The following ATP11B variants were observed in gnomAD, a reference collection of about 807,000 sequenced individuals.
ATP11B encodes the protein ATPase phospholipid transporting 11B (putative), also known as phospholipid-transporting ATPase IF.
Under a neutral mutation model 157.8 loss-of-function variants are expected in ATP11B, and 81 were observed. The ratio of observed to expected loss-of-function variants is 0.51; its 90% CI spans 0.43 to 0.62. The LOEUF (loss-of-function observed/expected upper bound fraction) is 0.62. ATP11B is among the 20% of genes least tolerant of loss of function. The probability of loss-of-function intolerance (pLI) is 0.00; values close to 1 mark genes in which losing one functional copy is unlikely to be tolerated. For missense variants in ATP11B, 1,165 were observed against 1,402.2 expected (o/e 0.83, Z 2.70); for synonymous variants, 451 against 469.4 (o/e 0.96, Z 0.51).
intron 25 of ATP11B, among the ~76,000 whole-genome samples, chr3:182,894,226 T>A (rs779232916): frequency 6.6e-6 from 1 of 152,230 alleles, no homozygotes; most frequent in Non-Finnish European, 1.5e-5. Context: ...CTTAATACTT[T>A]ATTTCTGTAA....
At chr3:182,905,706 T>C in intron 28 of ATP11B, 1 of 448,716 alleles carries the variant, frequency 2.2e-6, no homozygotes, top group Non-Finnish European at 4.5e-6. Flanking sequence ...AGATTGTGAA[T>C]GCCAACTTGT....
chr3:182,848,462 G>T lies in ATP11B; in HGVS notation c.770-14G>T. 6.9e-7 allele frequency: 1 copy of T among 1,442,804 alleles called. No homozygotes were observed. 89.4% of individuals were successfully genotyped at this position (1,442,804 alleles called of 1,614,324 possible). On this transcript the variant is annotated splice_polypyrimidine_tract_variant and intron_variant, in intron 9 of 29. Transcript: ENST00000323116. The stretch of plus-strand genomic sequence containing the variant: ...GAGGATTATTTTAAGAGACAATTTT[G>T]TTTTATTTTACAGGTGTTGCGGTAT...
In ATP11B at chr3:182,913,910, T is replaced by C; in HGVS notation, c.3368T>C (p.Phe1123Ser). 1 of 1,614,166 alleles carries C rather than the reference T, an allele frequency of 6.2e-7. No homozygotes were observed. Among genetic ancestry groups the C allele is most frequent in the Non-Finnish European group, 8.5e-7 (1 of 1,179,972 alleles). The change falls in exon 29 of 30, where the codon TTC becomes TCC. Residue 1123 changes from phenylalanine to serine, a missense_variant. Coordinates refer to ENST00000323116, the MANE Select transcript of ATP11B (RefSeq NM_014616.3). ...GIKCLDSMCC[F>S]PEGEAACASV... is the part of the protein sequence containing the mutation. ...AAGTGCTTGGACTCCATGTGCTGTT[T>C]CCCGGAAGGAGAAGCAGCGTGTGCA...
intron 28 of ATP11B, 77 bp downstream of exon 28, chr3:182,898,849 G>A (rs1295685101): frequency 3.9e-6 from 4 of 1,015,924 alleles, no homozygotes; most frequent in Non-Finnish European, 5.3e-6. Flanking sequence ...ATTATAATTT[G>A]ATTATGTCAG....
chr3:182,804,475 C>T (rs1029561411), intron 1 of ATP11B, among the ~76,000 whole-genome samples: 1 of 152,046 alleles, frequency 6.6e-6, no homozygotes, highest in Non-Finnish European at 1.5e-5. Context: ...CCTCGTGATC[C>T]GCTCGCCTTG....
In ATP11B at chr3:182,921,004, A is replaced by G. The variant is rs1482543373; in HGVS notation, c.*2900A>G. On this transcript the variant is annotated 3_prime_UTR_variant, in exon 30 of 30. Transcript: ENST00000323116. Reference sequence around the variant, plus strand: ...TAGTACCAGGACTGAGGTCATTTCTACTGGAAAAGATTGTGAGATTGAACT... The same window carrying G: ...TAGTACCAGGACTGAGGTCATTTCTGCTGGAAAAGATTGTGAGATTGAACT... 6.6e-6 allele frequency: 1 copy of G among 152,130 alleles called. No homozygotes were observed. The highest frequency in any genetic ancestry group is 1.5e-5 in the Non-Finnish European group (1 of 68,038). The allele number at this position is 152,130 out of a possible 1,614,324, so 9.4% of individuals were successfully genotyped here.
chr3:182,804,395 G>A (rs1289839759), intron 1 of ATP11B, among the ~76,000 whole-genome samples: 4 of 151,996 alleles, frequency 2.6e-5, no homozygotes, highest in South Asian at 4.1e-4. Context: ...ACAGGCACCC[G>A]CCACGACGCC....
intron 17 of ATP11B, among the ~76,000 whole-genome samples, chr3:182,872,036 C>T (rs1380173350): frequency 6.6e-6 from 1 of 152,110 alleles, no homozygotes; most frequent in Non-Finnish European, 1.5e-5. Context: ...AGGATGGTCT[C>T]GATCTCCTGA....
At chr3:182,902,673 T>G in intron 28 of ATP11B, 1 of 519,374 alleles carries the variant, frequency 1.9e-6, no homozygotes, top group South Asian at 2.2e-5. Context: ...GGCATTTTTG[T>G]TAGCATGGCC....
intron 21 of ATP11B, among the ~76,000 whole-genome samples, chr3:182,883,693 C>T (rs191442678): frequency 2.3e-3 from 344 of 151,704 alleles, no homozygotes; most frequent in Non-Finnish European, 3.4e-3. Flanking sequence ...CGGTGGCTCA[C>T]GCCTGTAATC....
At chr3:182,822,533 T>C (rs113993905) in intron 2 of ATP11B, among the ~76,000 whole-genome samples, 3 of 152,344 alleles carry the variant, frequency 2.0e-5, no homozygotes, top group African/African-American at 7.2e-5. Context: ...GACATTTGGA[T>C]TGGTTCCAAG....
At position 182,873,807 on chromosome 3, in the gene ATP11B, T is replaced by C; in HGVS notation, c.2049-5T>C. 1 of 1,612,974 alleles carries C rather than the reference T, an allele frequency of 6.2e-7. No individual in the cohort carries two copies. Among genetic ancestry groups the C allele is most frequent in the Non-Finnish European group, 8.5e-7 (1 of 1,179,048 alleles). On this transcript the variant is annotated splice_polypyrimidine_tract_variant and splice_region_variant and intron_variant, in intron 18 of 29. Transcript: ENST00000323116. ...CTACTACTAATTTGTTTCTGTTCTT[T>C]TCAGACTACAAGATAAAGTTCGAGA...
At chr3:182,795,121 A>G (rs1715521173) in intron 1 of ATP11B, among the ~76,000 whole-genome samples, 1 of 152,182 alleles carries the variant, frequency 6.6e-6, no homozygotes, top group African/African-American at 2.4e-5. Flanking sequence ...GTAAATTCAG[A>G]TATCCCAGAT....
At chr3:182,850,701 A>C (rs2108524853) in intron 10 of ATP11B, among the ~76,000 whole-genome samples, 1 of 152,302 alleles carries the variant, frequency 6.6e-6, no homozygotes, top group East Asian at 1.9e-4. Flanking sequence ...CTAAAAACGT[A>C]ATTACCATAT....
chr3:182,836,564 C>A, intron 6 of ATP11B, 94 bp downstream of exon 6: 3 of 1,454,574 alleles, frequency 2.1e-6, no homozygotes, highest in Admixed American at 3.8e-5. Flanking sequence ...TAAAGTTTGA[C>A]CAGATTAAGG....
Position 182,837,251 on chromosome 3 carries a change from T to C in ATP11B, c.656+77T>C, listed in dbSNP as rs186204503. ...TTTTTAAATAACCATAAACATAAAA[T>C]GAAATCTTTAGCTAATTGGAGACTG... On this transcript the variant is annotated intron_variant, in intron 7 of 29. Coordinates refer to ENST00000323116, the MANE Select transcript of ATP11B (RefSeq NM_014616.3). 3.9e-5 allele frequency: 43 copies of C among 1,103,096 alleles called. No homozygotes were observed. The East Asian group carries it at 1.1e-3, about 29-fold the overall frequency. The allele number at this position is 1,103,096 out of a possible 1,614,324, so 68.3% of individuals were successfully genotyped here. A position where few individuals can be genotyped will look rare whatever the true frequency, so the allele number is the denominator to read the frequency against.
intron 12 of ATP11B, 113 bp from the exon 13 acceptor site, chr3:182,865,343 C>A: frequency 1.0e-6 from 1 of 952,616 alleles, no homozygotes; most frequent in South Asian, 1.8e-5. Flanking sequence ...ATCCATATAT[C>A]AATATTAATA....
intron 25 of ATP11B, among the ~76,000 whole-genome samples, chr3:182,895,618 TAAAG>T (rs933541932): frequency 2.6e-5 from 4 of 152,100 alleles, no homozygotes; most frequent in Admixed American, 6.5e-5. Context: ...AGGTGAGAGT[TAAAG>T]AAAGACACAC....
At chr3:182,869,496 C>T (rs1721492142) in intron 17 of ATP11B, among the ~76,000 whole-genome samples, 165 bp downstream of exon 17, 1 of 152,150 alleles carries the variant, frequency 6.6e-6, no homozygotes, top group Non-Finnish European at 1.5e-5. Flanking sequence ...TTAACGCAAG[C>T]AAAAATATAT....
Sources: allele counts gnomAD v4.1 joint callset (sites outside exome capture counted in the v4.1 genomes callset), GRCh38; gene constraint gnomAD v4.1.1; transcripts MANE v1.5; gene names NCBI Gene and HGNC (gene_info 2026-07-23, HGNC 2026-07-21).